The following FYB1 variants were observed in gnomAD, a reference collection of about 807,000 sequenced individuals.
FYB1 encodes FYN binding protein 1.
A neutral mutation model predicts 94.1 loss-of-function variants in FYB1; 41 were observed. That is an observed-to-expected ratio of 0.44 (90% CI 0.34 to 0.57). FYB1 has a LOEUF of 0.57. Among genes scored for constraint, FYB1 ranks in the 20% least tolerant of loss-of-function variants. FYB1 has a pLI of 0.02. For missense variants in FYB1, 1,050 were observed against 976.8 expected, an observed-to-expected ratio of 1.07 and a Z score of -1.00; for synonymous variants, 367 against 353.2, an observed-to-expected ratio of 1.04 and a Z score of -0.44.
chr5:39,112,748 T>C (rs1739183988), intron 16 of FYB1, among the ~76,000 whole-genome samples: 1 of 152,058 alleles, frequency 6.6e-6, no homozygotes, highest in South Asian at 2.1e-4. Context: ...AAATTACTTA[T>C]AAAAAACACA....
chr5:39,221,532 T>C (rs1750263199), upstream of FYB1, among the ~76,000 whole-genome samples: 1 of 152,204 alleles, frequency 6.6e-6, no homozygotes, highest in Non-Finnish European at 1.5e-5. Context: ...TAAAGGCATC[T>C]GGAAATACCC....
At chr5:39,175,148 G>T (rs935584885) in intron 2 of FYB1, among the ~76,000 whole-genome samples, 2 of 152,134 alleles carry the variant, frequency 1.3e-5, no homozygotes, top group African/African-American at 4.8e-5. Flanking sequence ...AGGGAAAAGG[G>T]GCATGAGGTA....
chr5:39,152,900 T>A (rs1261373063), intron 3 of FYB1, among the ~76,000 whole-genome samples: 1 of 152,240 alleles, frequency 6.6e-6, no homozygotes, highest in Non-Finnish European at 1.5e-5. Context: ...GGATTCAGAC[T>A]ACATTGGTTG....
intron 2 of FYB1, among the ~76,000 whole-genome samples, chr5:39,192,777 G>T (rs149886970): frequency 2.6e-5 from 4 of 152,332 alleles, no homozygotes; most frequent in African/African-American, 9.6e-5. Context: ...AGAATAGCTG[G>T]TGCCTGAGCA....
intron 3 of FYB1, among the ~76,000 whole-genome samples, chr5:39,147,774 A>T (rs981144545): frequency 7.2e-6 from 1 of 139,674 alleles, no homozygotes; most frequent in Non-Finnish European, 1.5e-5. Context: ...TCCGCCTCCC[A>T]GGTTCACGCC....
chr5:39,199,678 G>T (rs1274667653), intron 2 of FYB1, among the ~76,000 whole-genome samples: 2 of 152,074 alleles, frequency 1.3e-5, no homozygotes, highest in Admixed American at 6.6e-5. Flanking sequence ...GTTCATATTT[G>T]CTTCTGTGAA....
chr5:39,201,565 G>C (rs1026466990), intron 2 of FYB1, among the ~76,000 whole-genome samples: 2 of 152,140 alleles, frequency 1.3e-5, no homozygotes, highest in East Asian at 1.9e-4. Context: ...GCAAAACCAC[G>C]TATCAATGAA....
At chr5:39,261,366 A>ACT (rs1035837703) in intron 1 of FYB1, among the ~76,000 whole-genome samples, 3 of 151,556 alleles carry the variant, frequency 2.0e-5, no homozygotes, top group African/African-American at 7.3e-5. Flanking sequence ...ACACACACAC[A>ACT]CACACAAAGA....
chr5:39,264,297 C>T (rs147940089), intron 1 of FYB1, among the ~76,000 whole-genome samples: 7 of 152,298 alleles, frequency 4.6e-5, no homozygotes, highest in Non-Finnish European at 8.8e-5. Flanking sequence ...TATGTGAGGA[C>T]ACAGCAAGAA....
intron 2 of FYB1, among the ~76,000 whole-genome samples, chr5:39,198,657 C>A (rs1748038004): frequency 6.6e-6 from 1 of 151,964 alleles, no homozygotes; most frequent in African/African-American, 2.4e-5. Context: ...ATAAAATAGG[C>A]TTTGTGTGAG....
chr5:39,194,715 G>C (rs1462666598), intron 2 of FYB1, among the ~76,000 whole-genome samples: 1 of 152,166 alleles, frequency 6.6e-6, no homozygotes, highest in Non-Finnish European at 1.5e-5. Context: ...AATAGGGGTA[G>C]TTCGTAAAAT....
chr5:39,129,685 A>G (rs112094718), intron 10 of FYB1, among the ~76,000 whole-genome samples: 116 of 152,168 alleles, frequency 7.6e-4, no homozygotes, highest in African/African-American at 2.6e-3. Context: ...AGACATACAA[A>G]TGGCCAACAG....
intron 3 of FYB1, among the ~76,000 whole-genome samples, chr5:39,152,438 A>G (rs1224444338): frequency 6.6e-6 from 1 of 152,244 alleles, no homozygotes; most frequent in Admixed American, 6.5e-5. Flanking sequence ...TGTTGTAAGG[A>G]ACATCAATCT....
At chr5:39,261,989 T>C (rs964955240) in intron 1 of FYB1, among the ~76,000 whole-genome samples, 1 of 152,180 alleles carries the variant, frequency 6.6e-6, no homozygotes, top group African/African-American at 2.4e-5. Flanking sequence ...CAAATATAAA[T>C]GGTATCCTTA....
Position 39,113,112 on chromosome 5 carries a change from G to A in FYB1, c.2402-2723C>T, listed in dbSNP as rs114913866. On this transcript the variant is annotated intron_variant, in intron 16 of 18. Coordinates refer to ENST00000512982, the MANE Select transcript of FYB1 (RefSeq NM_001465.6). ...CTTCACTCTATTAAAAGCGTGATTC[G>A]TGACAGTGTCAAAACAAGTGACTTA... 5.8e-3 allele frequency among the ~76,000 whole-genome samples: 876 copies of A among 152,126 alleles called. 13 individuals carry two copies. Among genetic ancestry groups the A allele is most frequent in the African/African-American group, 0.02 (824 of 41,538 alleles).
chr5:39,273,840 G>A (rs1285650978), intron 1 of FYB1, among the ~76,000 whole-genome samples: 2 of 152,028 alleles, frequency 1.3e-5, no homozygotes, highest in African/African-American at 2.4e-5. Flanking sequence ...CATCTTGCAA[G>A]TAGATAAAGG....
At chr5:39,194,366 T>C (rs1259914102) in intron 2 of FYB1, among the ~76,000 whole-genome samples, 1 of 151,790 alleles carries the variant, frequency 6.6e-6, no homozygotes, top group African/African-American at 2.4e-5. Flanking sequence ...ACAAAAAATT[T>C]AAAAAATACT....
chr5:39,154,094 C>G (rs537570505), intron 2 of FYB1, among the ~76,000 whole-genome samples: 1 of 152,202 alleles, frequency 6.6e-6, no homozygotes, highest in African/African-American at 2.4e-5. Flanking sequence ...CCTTATTCAT[C>G]CTTTACATCA....
chr5:39,210,089 G>T (rs1319899667), intron 1 of FYB1, among the ~76,000 whole-genome samples: 1 of 152,234 alleles, frequency 6.6e-6, no homozygotes, highest in Non-Finnish European at 1.5e-5. Flanking sequence ...CTGGGCGAAG[G>T]CATGGGTAGG....
Sources: gnomAD v4.1 joint callset for allele counts (sites outside exome capture counted in the v4.1 genomes callset) on GRCh38, gnomAD v4.1.1 for gene constraint, MANE v1.5 for transcripts, NCBI Gene and HGNC (gene_info 2026-07-23, HGNC 2026-07-21) for gene names.